Variants in PDE12 observed in about 807,000 individuals in gnomAD.
PDE12 encodes phosphodiesterase 12.
PDE12 carries 26 observed loss-of-function variants against 45.4 expected under a neutral mutation model. The ratio of observed to expected loss-of-function variants is 0.57; its 90% CI spans 0.42 to 0.79. The LOEUF (loss-of-function observed/expected upper bound fraction) is 0.79, where lower values mean the gene tolerates loss of function less well. Ranked by LOEUF, PDE12 falls within the 30% of genes least tolerant of loss-of-function variation. PDE12 has a pLI of 0.00. For missense variants in PDE12, 668 were observed against 790.0 expected, an observed-to-expected ratio of 0.85 and a Z score of 1.85; for synonymous variants, 283 against 323.9, an observed-to-expected ratio of 0.87 and a Z score of 1.36.
the PDE12 span, among the ~76,000 whole-genome samples, chr3:57,578,572 T>C: frequency 1.3e-5 from 2 of 151,912 alleles, no homozygotes; most frequent in Non-Finnish European, 2.9e-5. Flanking sequence ...CTTGACCCCC[T>C]GGGCTCAAAT....
the PDE12 span, among the ~76,000 whole-genome samples, chr3:57,633,799 A>G: frequency 1.3e-5 from 2 of 152,068 alleles, no homozygotes; most frequent in Non-Finnish European, 2.9e-5. Flanking sequence ...CTGAGACAGA[A>G]GAATTGCTTG....
At chr3:57,596,825 GA>G in the PDE12 span, 1 of 498,648 alleles carries the variant, frequency 2.0e-6, no homozygotes, top group Non-Finnish European at 3.6e-6. Context: ...AGATCAAGGA[GA>G]AAAAGCCGAG....
chr3:57,621,621 T>C, the PDE12 span, among the ~76,000 whole-genome samples: 2 of 151,734 alleles, frequency 1.3e-5, no homozygotes, highest in African/African-American at 4.8e-5. Flanking sequence ...GATTGCACCA[T>C]TGCACTCCAG....
intron 2 of PDE12, 85 bp downstream of exon 2, chr3:57,559,473 A>T: frequency 6.4e-7 from 1 of 1,557,974 alleles, no homozygotes; most frequent in Non-Finnish European, 8.8e-7. Context: ...CTTGAACGTC[A>T]CCCAGAGACT....
At chr3:57,590,137 C>A in the PDE12 span, among the ~76,000 whole-genome samples, 15 of 117,008 alleles carry the variant, frequency 1.3e-4, no homozygotes, top group South Asian at 2.4e-3. Flanking sequence ...ATAAATAAAA[C>A]AAAAAACAAA....
chr3:57,584,307 G>T, the PDE12 span: 2 of 1,264,422 alleles, frequency 1.6e-6, no homozygotes, highest in Non-Finnish European at 2.3e-6. Context: ...TTAACAAAAA[G>T]ACAATCTCAA....
the PDE12 span, among the ~76,000 whole-genome samples, chr3:57,605,370 A>G: frequency 6.6e-6 from 1 of 152,164 alleles, no homozygotes; most frequent in Non-Finnish European, 1.5e-5. Context: ...GGGAAAATCA[A>G]CAGATAAGGT....
At chr3:57,612,812 A>G in the PDE12 span, among the ~76,000 whole-genome samples, 1 of 151,754 alleles carries the variant, frequency 6.6e-6, no homozygotes, top group Non-Finnish European at 1.5e-5. Flanking sequence ...AGAACCCAGG[A>G]AAAAAAGGAA....
chr3:57,569,571 G>C (rs576829421), downstream of PDE12, among the ~76,000 whole-genome samples: 5 of 152,072 alleles, frequency 3.3e-5, no homozygotes, highest in South Asian at 8.3e-4. Context: ...AGTCAGTCTG[G>C]TCTTGAACTC....
Position 57,565,208 on chromosome 3 carries a change from TA to T in PDE12, c.*5207del, listed in dbSNP as rs1386508294. On this transcript the variant is annotated 3_prime_UTR_variant, in exon 3 of 3. Transcript: ENST00000311180. ...CTCTCTATGTTGCCCAGACTGGTCT[TA>T]AACTCCTGGGCTCAAATGACTCTCC... 6.6e-6 allele frequency: 1 copy of T among 152,090 alleles called. No individual in the cohort carries two copies. Among genetic ancestry groups the T allele is most frequent in the African/African-American group, 2.4e-5 (1 of 41,388 alleles). The allele number at this position is 152,090 out of a possible 1,614,324, so 9.4% of individuals were successfully genotyped here.
chr3:57,613,701 C>T, the PDE12 span, among the ~76,000 whole-genome samples: 2 of 151,582 alleles, frequency 1.3e-5, no homozygotes, highest in Non-Finnish European at 2.9e-5. Context: ...GAGATTGAGA[C>T]CATCCTGGCT....
At chr3:57,638,080 G>C in the PDE12 span, among the ~76,000 whole-genome samples, 4 of 152,038 alleles carry the variant, frequency 2.6e-5, no homozygotes, top group Admixed American at 1.3e-4. Context: ...GTTGCAGTGA[G>C]CCAAGATCAT....
At chr3:57,646,110 C>T in the PDE12 span, among the ~76,000 whole-genome samples, 3 of 152,176 alleles carry the variant, frequency 2.0e-5, no homozygotes, top group Non-Finnish European at 4.4e-5. Context: ...GGCATGGTTC[C>T]AGCCCTCAGG....
chr3:57,628,291 G>A, the PDE12 span: 18 of 1,613,972 alleles, frequency 1.1e-5, no homozygotes, highest in East Asian at 2.2e-5. Flanking sequence ...ATGTGTGTCC[G>A]TAACTTTTCC....
the PDE12 span, among the ~76,000 whole-genome samples, chr3:57,633,714 C>A: frequency 2.6e-5 from 4 of 151,968 alleles, no homozygotes; most frequent in African/African-American, 7.3e-5. Context: ...CATGGTGAAA[C>A]CCCGTCTCTA....
the PDE12 span, among the ~76,000 whole-genome samples, chr3:57,587,540 A>C: frequency 6.6e-6 from 1 of 151,848 alleles, no homozygotes; most frequent in Non-Finnish European, 1.5e-5. Context: ...TTACCCAAAA[A>C]TCATGTATTA....
At position 57,559,304 on chromosome 3, in the gene PDE12, T is replaced by C; in HGVS notation, c.1309-6T>C. On this transcript the variant is annotated splice_region_variant and splice_polypyrimidine_tract_variant and intron_variant, in intron 1 of 2. Transcript: ENST00000311180. ...CTGAACTCTTGGCACTTTCCGTTTA[T>C]TTTAGGTTTCAGTTCTTCAGTCTAC... is the stretch of plus-strand genomic sequence containing the variant. 6.3e-7 allele frequency: 1 copy of C among 1,597,828 alleles called. No homozygotes were observed. Among genetic ancestry groups the C allele is most frequent in the South Asian group, 1.1e-5 (1 of 89,414 alleles).
chr3:57,655,275 C>G, the PDE12 span, among the ~76,000 whole-genome samples: 9 of 152,150 alleles, frequency 5.9e-5, no homozygotes, highest in African/African-American at 1.2e-4. Context: ...CCTCATGATC[C>G]GCCCGCCTCG....
chr3:57,622,702 G>C, the PDE12 span, among the ~76,000 whole-genome samples: 1 of 152,134 alleles, frequency 6.6e-6, no homozygotes, highest in South Asian at 2.1e-4. Flanking sequence ...CAACAGGTAA[G>C]TGGGTAAAAA....
Sources: allele counts gnomAD v4.1 joint callset (sites outside exome capture counted in the v4.1 genomes callset), GRCh38; gene constraint gnomAD v4.1.1; transcripts MANE v1.5; gene names NCBI Gene and HGNC (gene_info 2026-07-23, HGNC 2026-07-21).